The following TAB2 variants were observed in gnomAD, a reference collection of about 807,000 sequenced individuals.
TAB2 encodes TGF-beta activated kinase 1 (MAP3K7) binding protein 2, also known as TGF-beta-activated kinase 1 and MAP3K7-binding protein 2.
A neutral mutation model predicts 65.0 loss-of-function variants in TAB2; 3 were observed. The ratio of observed to expected loss-of-function variants is 0.05; its 90% CI spans 0.02 to 0.12. TAB2 has a LOEUF of 0.12. Among genes scored for constraint, TAB2 ranks in the 10% least tolerant of loss-of-function variants. The pLI is 1.00. For synonymous variants in TAB2, 298 were observed against 285.1 expected (o/e 1.05, Z -0.46); for missense variants, 623 against 840.3 (o/e 0.74, Z 3.20).
At chr6:149,233,190 C>T (rs184969283) in intron 1 of TAB2, among the ~76,000 whole-genome samples, 2 of 152,034 alleles carry the variant, frequency 1.3e-5, no homozygotes, top group Admixed American at 1.3e-4. Flanking sequence ...AACTACCTGG[C>T]GGGGGGTGAG....
At chr6:149,371,065 C>CTAAAA (rs1781209547) in intron 2 of TAB2, among the ~76,000 whole-genome samples, 1 of 71,968 alleles carries the variant, frequency 1.4e-5, no homozygotes, top group Non-Finnish European at 2.4e-5. Flanking sequence ...GACCCTATCT[C>CTAAAA]AAAAAAAAAA....
intron 3 of TAB2, among the ~76,000 whole-genome samples, chr6:149,385,571 G>A (rs933471364): frequency 6.6e-6 from 1 of 152,082 alleles, no homozygotes. Context: ...TTTCAAATTA[G>A]CCCTACTACT....
At chr6:149,405,151 G>C (rs1357197944) in intron 6 of TAB2, among the ~76,000 whole-genome samples, 1 of 152,136 alleles carries the variant, frequency 6.6e-6, no homozygotes, top group Non-Finnish European at 1.5e-5. Context: ...TAGCCAACAG[G>C]TATATTGAAA....
chr6:149,259,722 C>T (rs1230111610), intron 1 of TAB2, among the ~76,000 whole-genome samples: 4 of 152,142 alleles, frequency 2.6e-5, no homozygotes, highest in African/African-American at 7.2e-5. Flanking sequence ...ACCTTTAAAA[C>T]TTCTCCATGG....
intron 1 of TAB2, among the ~76,000 whole-genome samples, chr6:149,269,316 C>T (rs1292609778): frequency 2.0e-5 from 3 of 152,098 alleles, no homozygotes; most frequent in African/African-American, 7.2e-5. Flanking sequence ...AGAAGTTACG[C>T]TAGGTTATCA....
intron 1 of TAB2, among the ~76,000 whole-genome samples, chr6:149,284,808 C>A (rs1173279049): frequency 6.6e-6 from 1 of 152,176 alleles, no homozygotes; most frequent in East Asian, 1.9e-4. Context: ...ATCTAAAGAA[C>A]TGCCTCTTTA....
chr6:149,379,818 G>A, intron 3 of TAB2: 1 of 449,264 alleles, frequency 2.2e-6, no homozygotes, highest in Non-Finnish European at 4.4e-6. Flanking sequence ...TATACCTGTG[G>A]TGATGCTGAC....
upstream of TAB2, among the ~76,000 whole-genome samples, chr6:149,218,285 A>G (rs1777064189): frequency 6.6e-6 from 1 of 152,224 alleles, no homozygotes; most frequent in Non-Finnish European, 1.5e-5. Flanking sequence ...GCCACACAGA[A>G]CAATGTATTC....
intron 1 of TAB2, among the ~76,000 whole-genome samples, chr6:149,345,577 C>T (rs1426374701): frequency 6.6e-6 from 1 of 152,148 alleles, no homozygotes; most frequent in Non-Finnish European, 1.5e-5. Context: ...AAAATTGGGA[C>T]AGATGACTAA....
chr6:149,377,563 T>G (rs542138153), intron 2 of TAB2, among the ~76,000 whole-genome samples: 18 of 152,340 alleles, frequency 1.2e-4, no homozygotes, highest in Non-Finnish European at 2.5e-4. Flanking sequence ...ATTTATTAGT[T>G]TAAACAAATG....
chr6:149,295,475 G>A (rs1436314860), intron 1 of TAB2, among the ~76,000 whole-genome samples: 1 of 152,064 alleles, frequency 6.6e-6, no homozygotes, highest in South Asian at 2.1e-4. Flanking sequence ...CTTTTCCCAT[G>A]TCTCTGTCCC....
intron 1 of TAB2, among the ~76,000 whole-genome samples, chr6:149,325,783 A>G (rs1779597855): frequency 6.6e-6 from 1 of 152,220 alleles, no homozygotes; most frequent in African/African-American, 2.4e-5. Context: ...TATGTTGCCC[A>G]GGCTGGAATG....
At chr6:149,383,978 A>G (rs1260989327) in intron 3 of TAB2, among the ~76,000 whole-genome samples, 1 of 152,178 alleles carries the variant, frequency 6.6e-6, no homozygotes, top group Non-Finnish European at 1.5e-5. Context: ...TACCCTACAT[A>G]GTTCACAGAC....
At chr6:149,359,947 CT>C (rs1201518478) in intron 1 of TAB2, among the ~76,000 whole-genome samples, 1 of 152,084 alleles carries the variant, frequency 6.6e-6, no homozygotes, top group Non-Finnish European at 1.5e-5. Context: ...CTTTTGGTAT[CT>C]ATTGAGATAA....
chr6:149,227,470 C>T lies in TAB2; in HGVS notation c.-121+8694C>T, dbSNP rs187628948. Among the ~76,000 whole-genome samples, 83 of 152,094 alleles carry T rather than the reference C, an allele frequency of 5.5e-4. 1 individual carries two copies. The highest frequency in any genetic ancestry group is 1.9e-3 in the African/African-American group (78 of 41,486). On this transcript the variant is annotated intron_variant, in intron 1 of 1. Coordinates refer to the TAB2 transcript ENST00000606202. Reference sequence around the variant, plus strand: ...CTGCAAGAGAAAGAGCGTCATGTTACCACCAACAAGCAGACAAGGCAAATG... The same window carrying T: ...CTGCAAGAGAAAGAGCGTCATGTTATCACCAACAAGCAGACAAGGCAAATG...
At chr6:149,308,521 CTTAT>C (rs1168345387) in intron 1 of TAB2, among the ~76,000 whole-genome samples, 14 of 58,954 alleles carry the variant, frequency 2.4e-4, no homozygotes, top group Admixed American at 8.3e-4. Context: ...TATTTATTTA[CTTAT>C]TTATTTATTT....
At chr6:149,373,893 A>G (rs923825568) in intron 2 of TAB2, among the ~76,000 whole-genome samples, 4 of 152,214 alleles carry the variant, frequency 2.6e-5, no homozygotes, top group East Asian at 3.8e-4. Context: ...ACATCTTGTC[A>G]TATCAGAAAG....
intron 1 of TAB2, among the ~76,000 whole-genome samples, chr6:149,330,923 G>A (rs1312980617): frequency 1.3e-5 from 2 of 152,100 alleles, no homozygotes; most frequent in Non-Finnish European, 2.9e-5. Flanking sequence ...TCAAAAATCA[G>A]ATAGCCGTAA....
intron 1 of TAB2, among the ~76,000 whole-genome samples, chr6:149,365,504 GTCA>G (rs1475539461): frequency 2.6e-5 from 4 of 152,032 alleles, no homozygotes; most frequent in Non-Finnish European, 5.9e-5. Context: ...CTGATGAGAA[GTCA>G]TCATTTAAAT....
Sources: gnomAD v4.1 joint callset for allele counts (sites outside exome capture counted in the v4.1 genomes callset) on GRCh38, gnomAD v4.1.1 for gene constraint, MANE v1.5 for transcripts, NCBI Gene and HGNC (gene_info 2026-07-23, HGNC 2026-07-21) for gene names.